The following EPHA6 variants were observed in gnomAD, a reference collection of about 807,000 sequenced individuals.
EPHA6 encodes the protein EPH receptor A6.
EPHA6 carries 50 observed loss-of-function variants against 112.0 expected under a neutral mutation model. The ratio of observed to expected loss-of-function variants is 0.45; its 90% CI spans 0.36 to 0.56. The LOEUF is 0.56. Among genes scored for constraint, EPHA6 ranks in the 20% least tolerant of loss-of-function variants. EPHA6 has a pLI of 0.00. For synonymous variants in EPHA6, 529 were observed against 490.7 expected (o/e 1.08, Z -1.03); for missense variants, 1,280 against 1,417.4 (o/e 0.90, Z 1.56).
chr3:97,702,364 A>G (rs1470996433), intron 14 of EPHA6, among the ~76,000 whole-genome samples: 1 of 152,194 alleles, frequency 6.6e-6, no homozygotes, highest in Admixed American at 6.5e-5. Flanking sequence ...AAAATGAGAA[A>G]GTTTTATGTA....
chr3:97,291,223 T>C (rs1245812417), intron 5 of EPHA6, among the ~76,000 whole-genome samples: 1 of 152,234 alleles, frequency 6.6e-6, no homozygotes, highest in African/African-American at 2.4e-5. Context: ...TTTTATTTCA[T>C]TGTTGTCTGA....
intron 2 of EPHA6, among the ~76,000 whole-genome samples, chr3:96,928,463 A>G (rs1559839294): frequency 6.6e-6 from 1 of 152,104 alleles, no homozygotes. Context: ...TTCTAATTTG[A>G]TTACACTGTG....
chr3:97,017,350 G>A (rs1453189063), intron 3 of EPHA6, among the ~76,000 whole-genome samples: 1 of 152,140 alleles, frequency 6.6e-6, no homozygotes, highest in East Asian at 1.9e-4. Context: ...GTAGTCCTTT[G>A]TAATAGCAGA....
Position 97,751,865 on chromosome 3 carries a change from T to G in EPHA6, c.*3164T>G, listed in dbSNP as rs927510077. ...TGTTTTGGATTTTAAAACCAGACAGTTAAAAAATCATTTTCATTTTATTTC... is the reference window on the plus strand; with the variant it reads ...TGTTTTGGATTTTAAAACCAGACAGGTAAAAAATCATTTTCATTTTATTTC... On this transcript the variant is annotated 3_prime_UTR_variant, in exon 18 of 18. Coordinates refer to ENST00000389672, the MANE Select transcript of EPHA6 (RefSeq NM_001080448.3). 2.6e-5 allele frequency among the ~76,000 whole-genome samples: 4 copies of G among 152,138 alleles called. No individual in the cohort carries two copies. Among genetic ancestry groups the G allele is most frequent in the African/African-American group, 4.8e-5 (2 of 41,460 alleles).
chr3:97,166,401 T>A (rs558462885), intron 3 of EPHA6, among the ~76,000 whole-genome samples: 14 of 151,540 alleles, frequency 9.2e-5, no homozygotes, highest in Admixed American at 4.6e-4. Context: ...GTGTGTATAA[T>A]GGCTTCTATG....
At chr3:96,990,689 C>T (rs764782865) in intron 3 of EPHA6, among the ~76,000 whole-genome samples, 11 of 152,084 alleles carry the variant, frequency 7.2e-5, no homozygotes, top group Admixed American at 1.3e-4. Context: ...ATATATAGTG[C>T]ACTACCACCA....
intron 5 of EPHA6, among the ~76,000 whole-genome samples, chr3:97,372,262 A>T (rs916813829): frequency 6.6e-6 from 1 of 151,746 alleles, no homozygotes; most frequent in Non-Finnish European, 1.5e-5. Flanking sequence ...TTTTCCCTTT[A>T]TTTCTTAGAC....
intron 3 of EPHA6, among the ~76,000 whole-genome samples, chr3:97,018,492 C>T (rs1432711461): frequency 6.6e-6 from 1 of 152,170 alleles, no homozygotes; most frequent in Non-Finnish European, 1.5e-5. Flanking sequence ...ATAGGTAAGG[C>T]CACGTGGGTC....
intron 3 of EPHA6, among the ~76,000 whole-genome samples, chr3:97,015,102 T>A (rs545056235): frequency 1.3e-5 from 2 of 152,320 alleles, no homozygotes; most frequent in Admixed American, 1.3e-4. Context: ...CATTGTCTCC[T>A]CTTGATCAAA....
chr3:97,231,699 G>C (rs1311896307), intron 4 of EPHA6, among the ~76,000 whole-genome samples: 4 of 152,188 alleles, frequency 2.6e-5, no homozygotes, highest in African/African-American at 4.8e-5. Context: ...GAGGGAGGTA[G>C]TGAAGAAGAT....
chr3:97,431,173 T>C (rs1461318234), intron 6 of EPHA6, among the ~76,000 whole-genome samples: 1 of 152,132 alleles, frequency 6.6e-6, no homozygotes, highest in Non-Finnish European at 1.5e-5. Flanking sequence ...AAGTTTGTTA[T>C]CTCAATTTAT....
At chr3:97,008,434 T>C (rs1369883303) in intron 3 of EPHA6, among the ~76,000 whole-genome samples, 2 of 152,230 alleles carry the variant, frequency 1.3e-5, no homozygotes. Flanking sequence ...GAAGTTCTTG[T>C]GCTGTGTTTT....
intron 5 of EPHA6, among the ~76,000 whole-genome samples, chr3:97,339,422 C>T (rs1299692731): frequency 6.6e-6 from 1 of 152,134 alleles, no homozygotes; most frequent in African/African-American, 2.4e-5. Flanking sequence ...TTACTTTTTA[C>T]CTCATGCTAG....
intron 1 of EPHA6, among the ~76,000 whole-genome samples, chr3:96,817,573 G>T (rs1361489398): frequency 2.0e-5 from 3 of 151,730 alleles, no homozygotes; most frequent in African/African-American, 7.3e-5. Context: ...CACTTTAAAG[G>T]CTAATGGAAT....
intron 5 of EPHA6, among the ~76,000 whole-genome samples, chr3:97,255,294 G>A (rs28509219): frequency 0.037 from 5,613 of 152,104 alleles, 356 homozygotes; most frequent in African/African-American, 0.13. Context: ...ACAAAATTAA[G>A]GAGACTTCTT....
intron 3 of EPHA6, among the ~76,000 whole-genome samples, chr3:97,067,435 G>A (rs575503431): frequency 3.3e-5 from 5 of 151,948 alleles, no homozygotes; most frequent in East Asian, 1.9e-4. Context: ...TAATTGAAAC[G>A]TGAAAGCTAG....
chr3:97,697,965 CA>C (rs1425523605), intron 14 of EPHA6, among the ~76,000 whole-genome samples: 2 of 152,120 alleles, frequency 1.3e-5, no homozygotes, highest in East Asian at 3.8e-4. Context: ...AAGACAAAAA[CA>C]AAGCATTAAA....
chr3:97,476,372 G>A (rs2091369280), intron 8 of EPHA6, among the ~76,000 whole-genome samples: 1 of 151,954 alleles, frequency 6.6e-6, no homozygotes, highest in South Asian at 2.1e-4. Flanking sequence ...ACTGCAAAAA[G>A]AATGTCAGCC....
intron 1 of EPHA6, among the ~76,000 whole-genome samples, chr3:96,845,345 T>A (rs2107343713): frequency 1.3e-5 from 2 of 152,166 alleles, no homozygotes; most frequent in Non-Finnish European, 2.9e-5. Flanking sequence ...AGTCTCATGC[T>A]GTGCCCAATT....
Sources: allele counts gnomAD v4.1 joint callset (sites outside exome capture counted in the v4.1 genomes callset), GRCh38; gene constraint gnomAD v4.1.1; transcripts MANE v1.5; gene names NCBI Gene and HGNC (gene_info 2026-07-23, HGNC 2026-07-21).